Variants in NACC1 observed in about 807,000 individuals in gnomAD.
NACC1 encodes nucleus accumbens-associated protein 1.
A neutral mutation model predicts 41.7 loss-of-function variants in NACC1; 6 were observed. The ratio of observed to expected loss-of-function variants is 0.14; its 90% confidence interval spans 0.08 to 0.28. NACC1 has a LOEUF of 0.28. Among genes scored for constraint, NACC1 ranks in the 10% least tolerant of loss-of-function variants. NACC1 has a pLI of 1.00. For synonymous variants in NACC1, 338 were observed against 330.6 expected, an observed-to-expected ratio of 1.02 and a Z score of -0.24; for missense variants, 434 against 763.7, an observed-to-expected ratio of 0.57 and a Z score of 5.09.
Position 13,138,004 on chromosome 19 carries a change from C to A in NACC1, c.1325-143C>A. The A allele has an allele frequency of 8.5e-7, 1 of 1,179,896 alleles. No homozygotes were observed. Among genetic ancestry groups the A allele is most frequent in the Non-Finnish European group, 1.2e-6 (1 of 832,122 alleles). The allele number at this position is 1,179,896 out of a possible 1,614,324, so 73.1% of individuals were successfully genotyped here. A position where few individuals can be genotyped will look rare whatever the true frequency, so the allele number is the denominator to read the frequency against. On this transcript the variant is annotated intron_variant, in intron 5 of 5. Coordinates refer to ENST00000292431, the MANE Select transcript of NACC1 (RefSeq NM_052876.4). This position sits in a 1 kb window ranked among gnomAD's most constrained non-coding sequence, Gnocchi z 5.7. ...ACTCAGTCCGGTGTAGGGTTGGGTG[C>A]ACGTAGTGTGGTGTCCTGGCCGCGT...
At chr19:13,124,322 C>T (rs1340466469) in intron 1 of NACC1, among the ~76,000 whole-genome samples, 1 of 152,066 alleles carries the variant, frequency 6.6e-6, no homozygotes, top group East Asian at 1.9e-4. Flanking sequence ...ATTGCTTGAA[C>T]CCAGGAGGCG....
rs529343338 is a variant in NACC1 at position 13,139,313 on chromosome 19, C to T, written c.*907C>T. 1 of 152,250 alleles carries T rather than the reference C, an allele frequency of 6.6e-6. No individual in the cohort carries two copies. Among genetic ancestry groups the T allele is most frequent in the South Asian group, 2.1e-4 (1 of 4,826 alleles). The allele number at this position is 152,250 out of a possible 1,614,324, so 9.4% of individuals were successfully genotyped here. On this transcript the variant is annotated 3_prime_UTR_variant, in exon 6 of 6. Coordinates refer to ENST00000292431, the MANE Select transcript of NACC1 (RefSeq NM_052876.4). Reference sequence around the variant, plus strand: ...CCCACCCCACCCCACAGCAGGGCTCCTGGCCCCCACCCCCCTGTACATAAT... The same window carrying T: ...CCCACCCCACCCCACAGCAGGGCTCTTGGCCCCCACCCCCCTGTACATAAT...
upstream of NACC1, chr19:13,117,563 CT>C (rs34010451): frequency 4.8e-3 from 652 of 134,990 alleles, 2 homozygotes; most frequent in African/African-American, 0.014. Flanking sequence ...TTCTTTCTTT[CT>C]TTTTTTTTTT....
chr19:13,120,840 G>A (rs2019480177), intron 1 of NACC1, among the ~76,000 whole-genome samples: 1 of 152,242 alleles, frequency 6.6e-6, no homozygotes, highest in South Asian at 2.1e-4. Flanking sequence ...AGAGGTAGAG[G>A]AGAAGGCACC....
rs2019423723 is a variant in NACC1 at position 13,118,274 on chromosome 19, G to A, written c.-189G>A. On this transcript the variant is annotated 5_prime_UTR_variant, in exon 1 of 6. Coordinates refer to ENST00000292431, the MANE Select transcript of NACC1 (RefSeq NM_052876.4). Reference sequence around the variant, plus strand: ...TTGCGCTCGCTCGGCGCTCGGCTGGGGCGGCCTGGCCCACAATGAATGGCC... The same window carrying A: ...TTGCGCTCGCTCGGCGCTCGGCTGGAGCGGCCTGGCCCACAATGAATGGCC... The A allele has an allele frequency of 6.7e-6, 1 of 148,888 alleles. No individual in the cohort carries two copies. 9.2% of individuals were successfully genotyped at this position (148,888 alleles called of 1,614,324 possible). A position where few individuals can be genotyped will look rare whatever the true frequency, so the allele number is the denominator to read the frequency against.
In NACC1 at chr19:13,140,630, G is replaced by C. The variant is rs2019777282; in HGVS notation, c.*2224G>C. ...GACTGTGTGTGGGTCCGGGGGGTGG[G>C]GGGGTGGGGAGAAGGGTCGGGCAGG... On this transcript the variant is annotated 3_prime_UTR_variant, in exon 6 of 6. Coordinates refer to ENST00000292431, the MANE Select transcript of NACC1 (RefSeq NM_052876.4). This position sits in a 1 kb window ranked among gnomAD's most constrained non-coding sequence, Gnocchi z 4.0. 1 of 151,744 alleles carries C rather than the reference G, an allele frequency of 6.6e-6. No individual in the cohort carries two copies. The highest frequency in any genetic ancestry group is 6.6e-5 in the Admixed American group (1 of 15,244). 9.4% of individuals were successfully genotyped at this position (151,744 alleles called of 1,614,324 possible).
In NACC1 at chr19:13,135,884, C is replaced by T. The variant is rs1333929944; in HGVS notation, c.677C>T (p.Pro226Leu). The T allele has an allele frequency of 1.7e-5, 26 of 1,558,108 alleles. No homozygotes were observed. Among genetic ancestry groups the T allele is most frequent in the East Asian group, 2.4e-5 (1 of 41,948 alleles). ...CAGCCCCCGCCACCCCAACAGGCTCCGGTGGTGGCAGCAGCCCAGCCCGCC... is the reference window on the plus strand; with the variant it reads ...CAGCCCCCGCCACCCCAACAGGCTCTGGTGGTGGCAGCAGCCCAGCCCGCC... ...PHQPPPPQQA[P>L]VVAAAQPAVA... Residue 226 changes from proline (P) to leucine (L), a missense_variant, in exon 2 of 6, where the codon CCG becomes CTG. Around this residue, in one of 4 missense-constraint regions of NACC1, gnomAD observed 234 missense variants for 308.3 expected, o/e 0.76. Transcript: ENST00000292431.
intron 1 of NACC1, among the ~76,000 whole-genome samples, chr19:13,125,734 G>T (rs1352746531): frequency 1.4e-5 from 2 of 147,950 alleles, no homozygotes; most frequent in Non-Finnish European, 1.5e-5. Flanking sequence ...TTAAATTTTT[G>T]ATCAACAACT....
At position 13,137,422 on chromosome 19, in the gene NACC1, A is replaced by G. The variant is rs929808453; in HGVS notation, c.1226+46A>G. The G allele has an allele frequency of 2.5e-6, 4 of 1,608,156 alleles. No homozygotes were observed. In the African/African-American group the frequency reaches 5.4e-5, roughly 22 times the overall value. On this transcript the variant is annotated intron_variant, in intron 4 of 5. Coordinates refer to ENST00000292431, the MANE Select transcript of NACC1 (RefSeq NM_052876.4). This position sits in a 1 kb window ranked among gnomAD's most constrained non-coding sequence, Gnocchi z 6.1. ...CCAGGGAGGGGGGTGGGGTTTCCCC[A>G]TGTCCCCCCCACCACCAACTTGAGC... is the stretch of plus-strand genomic sequence containing the variant.
Position 13,138,592 on chromosome 19 carries a change from G to C in NACC1, c.*186G>C. On this transcript the variant is annotated 3_prime_UTR_variant, in exon 6 of 6. Coordinates refer to ENST00000292431, the MANE Select transcript of NACC1 (RefSeq NM_052876.4). This position sits in a 1 kb window ranked among gnomAD's most constrained non-coding sequence, Gnocchi z 5.7. ...AGAGCTGGGCCGGGAGAGGACCGCA[G>C]GGCAGGTGGCGTGAGGTCCGTGTTG... is the stretch of plus-strand genomic sequence containing the variant. 1 of 876,420 alleles carries C rather than the reference G, an allele frequency of 1.1e-6. No individual in the cohort carries two copies. The highest frequency in any genetic ancestry group is 1.7e-6 in the Non-Finnish European group (1 of 586,860). 54.3% of individuals were successfully genotyped at this position (876,420 alleles called of 1,614,324 possible). A position where few individuals can be genotyped will look rare whatever the true frequency, so the allele number is the denominator to read the frequency against.
chr19:13,123,724 G>C (rs1394880628), intron 1 of NACC1, among the ~76,000 whole-genome samples: 1 of 152,134 alleles, frequency 6.6e-6, no homozygotes, highest in African/African-American at 2.4e-5. Context: ...TTCCCGTCTG[G>C]TCTCTGCCTT....
At chr19:13,132,408 T>TA (rs34652828) in intron 1 of NACC1, 17,425 of 114,540 alleles carry the variant, frequency 0.15, 1,538 homozygotes, top group South Asian at 0.25. Context: ...GACTCTGTCT[T>TA]AAAAAAAAAA....
intron 1 of NACC1, among the ~76,000 whole-genome samples, chr19:13,122,478 G>A (rs889935016): frequency 1.3e-5 from 2 of 151,208 alleles, no homozygotes; most frequent in Non-Finnish European, 2.9e-5. Context: ...TCCTACCTCC[G>A]GGGACACTTG....
intron 1 of NACC1, among the ~76,000 whole-genome samples, chr19:13,119,299 C>T (rs2019458529): frequency 6.6e-6 from 1 of 152,108 alleles, no homozygotes; most frequent in African/African-American, 2.4e-5. Flanking sequence ...CCTGAAGCCT[C>T]TAGAGTCCTG....
At chr19:13,126,872 G>A (rs909778216) in intron 1 of NACC1, among the ~76,000 whole-genome samples, 1 of 150,828 alleles carries the variant, frequency 6.6e-6, no homozygotes, top group East Asian at 2.0e-4. Context: ...GGTCCTAGGG[G>A]TAGAGGACAC....
At chr19:13,121,144 G>A (rs905564188) in intron 1 of NACC1, among the ~76,000 whole-genome samples, 3 of 152,202 alleles carry the variant, frequency 2.0e-5, no homozygotes, top group Admixed American at 1.3e-4. Flanking sequence ...ATGGGTGGCC[G>A]GAAGTGTTCC....
chr19:13,135,893 C>T lies in NACC1; in HGVS notation c.686C>T (p.Ala229Val), dbSNP rs2145623853. The T allele has an allele frequency of 1.9e-6, 3 of 1,559,400 alleles. No homozygotes were observed. Among genetic ancestry groups the T allele is most frequent in the Non-Finnish European group, 2.6e-6 (3 of 1,154,462 alleles). Residue 229 changes from alanine (A) to valine (V), a missense_variant, in exon 2 of 6, where the codon GCA (alanine) becomes GTA (valine). This residue lies in a region of NACC1 where 234 missense variants were observed against 308.3 expected (regional missense o/e 0.76). Coordinates refer to ENST00000292431, the MANE Select transcript of NACC1 (RefSeq NM_052876.4). ...CCACCCCAACAGGCTCCGGTGGTGG[C>T]AGCAGCCCAGCCCGCCGTGGCTGCG... ...PPPPQQAPVV[A>V]AAQPAVAAGA... is the part of the protein sequence containing the mutation.
At position 13,122,795 on chromosome 19, in the gene NACC1, G is replaced by A. The variant is rs552489252; in HGVS notation, c.-9+4341G>A. Among the ~76,000 whole-genome samples the A allele has an allele frequency of 2.0e-5, 3 of 152,256 alleles. No individual in the cohort carries two copies. The South Asian group carries it at 6.2e-4, about 32-fold the overall frequency. On this transcript the variant is annotated intron_variant, in intron 1 of 5. Transcript: ENST00000292431. ...TGAAATGTGCGAGGTCTGGGAGATG[G>A]TGAGAGGCATAAGATGTCTTCTACT... is the stretch of plus-strand genomic sequence containing the variant.
At chr19:13,129,767 G>T (rs2019609007) in intron 1 of NACC1, among the ~76,000 whole-genome samples, 1 of 152,162 alleles carries the variant, frequency 6.6e-6, no homozygotes, top group African/African-American at 2.4e-5. Context: ...CTGAGCATCA[G>T]GTTGGCTCTC....
Sources: gnomAD v4.1 joint callset for allele counts (sites outside exome capture counted in the v4.1 genomes callset) on GRCh38, gnomAD v4.1.1 for gene constraint, gnomAD v4.1.1 regional missense constraint, Gnocchi (gnomAD v3.1) non-coding constraint, MANE v1.5 for transcripts, NCBI Gene and HGNC (gene_info 2026-07-23, HGNC 2026-07-21) for gene names.